Variants in SNORC observed in about 807,000 individuals in gnomAD.
SNORC encodes the protein protein SNORC.
SNORC carries 11 observed loss-of-function variants against 9.7 expected under a neutral mutation model. The observed-to-expected ratio is 1.14, with a 90% confidence interval of 0.72 to 1.88. SNORC has a LOEUF of 1.88. Among genes scored for constraint, SNORC ranks in the 40% most tolerant of loss-of-function variants. The probability of loss-of-function intolerance (pLI) is 0.00; values close to 1 mark genes in which losing one functional copy is unlikely to be tolerated. For missense variants in SNORC, 197 were observed against 173.1 expected (o/e 1.14, Z -0.77); for synonymous variants, 108 against 88.7 (o/e 1.22, Z -1.22).
At chr2:232,869,964 A>G (rs1329000703), upstream of SNORC, 1 of 337,010 alleles carries the variant, frequency 3.0e-6, no homozygotes. Context: ...AGCATGTTTC[A>G]AGTTCCCTGG....
At chr2:232,875,060 C>T (rs1323383443) in intron 1 of SNORC, among the ~76,000 whole-genome samples, 3 of 152,234 alleles carry the variant, frequency 2.0e-5, no homozygotes, top group African/African-American at 7.2e-5. Context: ...GAGCATGGGG[C>T]CGGCCGCAGT....
downstream of SNORC, chr2:232,876,830 T>G (rs767490979): frequency 2.0e-3 from 1,928 of 985,398 alleles, 5 homozygotes; most frequent in Non-Finnish European, 2.1e-3. The surrounding 1 kb of genome is among the most constrained non-coding windows in gnomAD (Gnocchi z 6.8). Context: ...CGGCGCCGCC[T>G]CCTCTGCCTG....
chr2:232,871,888 C>T (rs919181734), intron 1 of SNORC, among the ~76,000 whole-genome samples: 1 of 152,138 alleles, frequency 6.6e-6, no homozygotes, highest in Non-Finnish European at 1.5e-5. Flanking sequence ...GGCTGACCCT[C>T]CTGGCCCAGG....
intron 1 of SNORC, among the ~76,000 whole-genome samples, chr2:232,871,220 G>A (rs1257178480): frequency 6.6e-5 from 10 of 152,118 alleles, no homozygotes; most frequent in African/African-American, 4.8e-5. Context: ...AAGGTGGACC[G>A]CAGTCATGAG....
downstream of SNORC, chr2:232,877,113 C>A: frequency 1.0e-6 from 1 of 986,052 alleles, no homozygotes; most frequent in East Asian, 1.1e-4. Context: ...AAGCCCCCCT[C>A]TGCCCAGGGA....
chr2:232,870,146 C>G (rs977577942), upstream of SNORC: 1 of 593,140 alleles, frequency 1.7e-6, no homozygotes, highest in Non-Finnish European at 2.9e-6. Flanking sequence ...CAGGTCTGTT[C>G]TGTGAGCTCT....
downstream of SNORC, chr2:232,876,889 C>T: frequency 2.0e-6 from 2 of 985,458 alleles, no homozygotes; most frequent in Non-Finnish European, 2.4e-6. The surrounding 1 kb of genome is among the most constrained non-coding windows in gnomAD (Gnocchi z 6.8). Flanking sequence ...GCCTCCCATC[C>T]CGCTCCGCTG....
At chr2:232,874,990 A>G (rs1691164946) in intron 1 of SNORC, among the ~76,000 whole-genome samples, 5 of 152,258 alleles carry the variant, frequency 3.3e-5, no homozygotes, top group Admixed American at 3.3e-4. Context: ...AAGCTCATCC[A>G]GGGAACCGGC....
At chr2:232,870,175 G>A, upstream of SNORC, 2 of 656,906 alleles carry the variant, frequency 3.0e-6, no homozygotes, top group South Asian at 3.5e-5. Context: ...TGTGTTGGTG[G>A]GGGGAGCGGG....
At position 232,871,946 on chromosome 2, in the gene SNORC, G is replaced by A. The variant is rs568562250; in HGVS notation, c.73+1532G>A. Among the ~76,000 whole-genome samples, 412 of 152,286 alleles carry A rather than the reference G, an allele frequency of 2.7e-3. 4 individuals are homozygous for A. The highest frequency in any genetic ancestry group is 9.0e-3 in the African/African-American group (376 of 41,568). ...CAGACTGTCCCTAATCATTGTAGGC[G>A]GGTGGGCTTCCTCTGCCACCACAGG... On this transcript the variant is annotated intron_variant, in intron 1 of 2. Transcript: ENST00000331342.
upstream of SNORC, chr2:232,869,063 T>G (rs891314251): frequency 6.6e-6 from 1 of 152,194 alleles, no homozygotes; most frequent in Non-Finnish European, 1.5e-5. Flanking sequence ...TGATACCTGA[T>G]TCTAGTTATG....
upstream of SNORC, chr2:232,869,887 A>G: frequency 3.8e-6 from 1 of 262,722 alleles, no homozygotes; most frequent in Non-Finnish European, 7.4e-6. Flanking sequence ...AGCCCAGGCC[A>G]CAGGCACTAA....
rs1347955237 is a variant in SNORC at position 232,876,208 on chromosome 2, C to T, written c.257-39C>T. 2 of 1,474,914 alleles carry T rather than the reference C, an allele frequency of 1.4e-6. No homozygotes were observed. Among genetic ancestry groups the T allele is most frequent in the East Asian group, 2.7e-5 (1 of 36,892 alleles). 91.4% of individuals were successfully genotyped at this position (1,474,914 alleles called of 1,614,324 possible). On this transcript the variant is annotated intron_variant, in intron 2 of 2. Coordinates refer to ENST00000331342, the Ensembl canonical transcript of SNORC. This position sits in a 1 kb window ranked among gnomAD's most constrained non-coding sequence, Gnocchi z 6.8. ...GGCGCGGGGAGAAGGGCCGGCCAGG[C>T]GGGGGCTAGCAGGTGACATGGTCCT... is the stretch of plus-strand genomic sequence containing the variant.
At chr2:232,875,958 C>G in exon 2 of SNORC, 1 of 1,554,072 alleles carries the variant, frequency 6.4e-7, no homozygotes, top group Non-Finnish European at 8.7e-7. Context: ...CCACAGGAGC[C>G]CGTGCCCACG....
chr2:232,872,646 A>C (rs1318772118), intron 1 of SNORC, among the ~76,000 whole-genome samples: 1 of 151,732 alleles, frequency 6.6e-6, no homozygotes, highest in Non-Finnish European at 1.5e-5. Flanking sequence ...ACTTTCTGTC[A>C]CCCTGGCCTA....
exon 2 of SNORC, chr2:232,876,000 G>T: frequency 1.3e-6 from 2 of 1,554,306 alleles, no homozygotes; most frequent in Non-Finnish European, 8.7e-7. Flanking sequence ...CTGCCGTCGG[G>T]AGAAGGCCCC....
chr2:232,876,878 T>G, downstream of SNORC: 1 of 985,358 alleles, frequency 1.0e-6, no homozygotes, highest in Non-Finnish European at 1.2e-6. The surrounding 1 kb of genome is among the most constrained non-coding windows in gnomAD (Gnocchi z 6.8). Flanking sequence ...CCCCGGGGCC[T>G]GCCTCCCATC....
chr2:232,875,756 C>A, intron 1 of SNORC, 184 bp from the exon 2 acceptor site: 1 of 650,980 alleles, frequency 1.5e-6, no homozygotes, highest in Non-Finnish European at 2.5e-6. Flanking sequence ...ACCGGCCCTG[C>A]CCAATGGGAG....
upstream of SNORC, among the ~76,000 whole-genome samples, chr2:232,866,603 A>G (rs1420273455): frequency 6.6e-6 from 1 of 152,178 alleles, no homozygotes; most frequent in African/African-American, 2.4e-5. Flanking sequence ...AGGAAATTCT[A>G]TGGTATTTTT....
Sources: gnomAD v4.1 joint callset for allele counts (sites outside exome capture counted in the v4.1 genomes callset) on GRCh38, gnomAD v4.1.1 for gene constraint, Gnocchi (gnomAD v3.1) non-coding constraint, MANE v1.5 for transcripts, NCBI Gene and HGNC (gene_info 2026-07-23, HGNC 2026-07-21) for gene names.